Variants in HMGCLL1 observed in about 807,000 individuals in gnomAD.
HMGCLL1 encodes 3-hydroxy-3-methylglutaryl-CoA lyase like 1.
A neutral mutation model predicts 39.1 loss-of-function variants in HMGCLL1; 36 were observed. The observed-to-expected ratio is 0.92, with a 90% CI of 0.71 to 1.22. HMGCLL1 has a LOEUF of 1.22. Among genes scored for constraint, HMGCLL1 ranks in the 50% most tolerant of loss-of-function variants. The pLI is 0.00. For missense variants in HMGCLL1, 451 were observed against 416.5 expected (o/e 1.08, Z -0.72); for synonymous variants, 149 against 144.0 (o/e 1.03, Z -0.25).
intron 1 of HMGCLL1, among the ~76,000 whole-genome samples, chr6:55,574,795 A>G (rs952192989): frequency 1.9e-4 from 29 of 152,168 alleles, no homozygotes; most frequent in Middle Eastern, 3.4e-3. Flanking sequence ...AAGCAGAAAT[A>G]TAATACATTT....
chr6:55,464,065 T>C (rs570069701), intron 7 of HMGCLL1, among the ~76,000 whole-genome samples: 1 of 152,196 alleles, frequency 6.6e-6, no homozygotes, highest in African/African-American at 2.4e-5. Context: ...TCTGTAGAAT[T>C]ATCTAGAATT....
the HMGCLL1 span, among the ~76,000 whole-genome samples, chr6:55,668,859 C>T: frequency 6.6e-6 from 1 of 151,848 alleles, no homozygotes; most frequent in Admixed American, 6.6e-5. Context: ...ACAGCAGCAG[C>T]ACCAGTAGTG....
chr6:55,631,080 A>G, the HMGCLL1 span, among the ~76,000 whole-genome samples: 2 of 151,988 alleles, frequency 1.3e-5, no homozygotes, highest in East Asian at 3.9e-4. Context: ...ATCTTCTCGT[A>G]CTTGAATCAT....
At chr6:55,594,476 A>G in the HMGCLL1 span, among the ~76,000 whole-genome samples, 1 of 152,184 alleles carries the variant, frequency 6.6e-6, no homozygotes, top group Non-Finnish European at 1.5e-5. Flanking sequence ...CTTCTGCCAC[A>G]ATCTCTTCTT....
At chr6:55,437,450 A>G (rs540043964) in intron 8 of HMGCLL1, among the ~76,000 whole-genome samples, 1 of 152,098 alleles carries the variant, frequency 6.6e-6, no homozygotes, top group South Asian at 2.1e-4. Flanking sequence ...TGTGTCAGGG[A>G]AAAGTGCCAA....
the HMGCLL1 span, among the ~76,000 whole-genome samples, chr6:55,601,213 T>G: frequency 6.6e-6 from 1 of 152,110 alleles, no homozygotes; most frequent in Non-Finnish European, 1.5e-5. Context: ...ATGGTGCTGC[T>G]CATTTGAGGC....
intron 7 of HMGCLL1, among the ~76,000 whole-genome samples, chr6:55,463,343 C>G (rs1004225664): frequency 6.6e-6 from 1 of 151,910 alleles, no homozygotes; most frequent in South Asian, 2.1e-4. Context: ...CAGTCTTTAG[C>G]TGAGAAGAGA....
At chr6:55,637,799 A>G in the HMGCLL1 span, among the ~76,000 whole-genome samples, 1 of 151,854 alleles carries the variant, frequency 6.6e-6, no homozygotes, top group Admixed American at 6.6e-5. Flanking sequence ...GATATCATAG[A>G]TACATGTATG....
At chr6:55,669,622 A>G in the HMGCLL1 span, among the ~76,000 whole-genome samples, 1 of 151,970 alleles carries the variant, frequency 6.6e-6, no homozygotes, top group African/African-American at 2.4e-5. Context: ...CTTGAAACAA[A>G]TATTAAGCTA....
chr6:55,444,391 A>C (rs1581786791), intron 7 of HMGCLL1, among the ~76,000 whole-genome samples: 1 of 152,052 alleles, frequency 6.6e-6, no homozygotes, highest in East Asian at 1.9e-4. Context: ...TATATAACAC[A>C]CACACATATA....
intron 5 of HMGCLL1, among the ~76,000 whole-genome samples, chr6:55,501,168 G>T (rs2127427811): frequency 6.6e-6 from 1 of 151,818 alleles, no homozygotes; most frequent in South Asian, 2.1e-4. Flanking sequence ...ACACTGTTTT[G>T]ATCTAGTCAC....
the HMGCLL1 span, among the ~76,000 whole-genome samples, chr6:55,613,139 T>C: frequency 6.6e-6 from 1 of 152,116 alleles, no homozygotes; most frequent in South Asian, 2.1e-4. Context: ...GCAAAGGACA[T>C]GAACAGACAG....
At chr6:55,557,373 C>T (rs972872781) in intron 1 of HMGCLL1, among the ~76,000 whole-genome samples, 4 of 151,990 alleles carry the variant, frequency 2.6e-5, no homozygotes, top group African/African-American at 7.2e-5. Context: ...TGCCTGGCAG[C>T]GCGTCTGTGC....
chr6:55,655,101 T>C, the HMGCLL1 span, among the ~76,000 whole-genome samples: 3 of 151,976 alleles, frequency 2.0e-5, no homozygotes, highest in African/African-American at 7.2e-5. Flanking sequence ...TCCTCAGTTC[T>C]TCTCATTTGT....
the HMGCLL1 span, among the ~76,000 whole-genome samples, chr6:55,643,859 C>T: frequency 3.3e-5 from 5 of 152,042 alleles, no homozygotes; most frequent in African/African-American, 1.2e-4. Flanking sequence ...AGTGCTACAA[C>T]AAACAGGAGA....
At chr6:55,513,561 G>A (rs1767576755) in intron 5 of HMGCLL1, 1 of 154,126 alleles carries the variant, frequency 6.5e-6, no homozygotes, top group Non-Finnish European at 1.4e-5. Context: ...CATTGAGGGG[G>A]AGAAAGAATG....
the HMGCLL1 span, among the ~76,000 whole-genome samples, chr6:55,611,603 A>G: frequency 6.6e-6 from 1 of 152,176 alleles, no homozygotes; most frequent in Non-Finnish European, 1.5e-5. Context: ...TACCTCAAAA[A>G]GCTTATCCAC....
intron 7 of HMGCLL1, among the ~76,000 whole-genome samples, chr6:55,468,172 G>A (rs772618904): frequency 6.6e-6 from 1 of 151,970 alleles, no homozygotes; most frequent in African/African-American, 2.4e-5. Context: ...GCCACTAAAG[G>A]CTGTATGCAG....
chr6:55,564,161 TG>T (rs886933355), intron 1 of HMGCLL1, among the ~76,000 whole-genome samples: 4 of 152,020 alleles, frequency 2.6e-5, no homozygotes, highest in Admixed American at 1.3e-4. Flanking sequence ...ATCTTATGGG[TG>T]GGGTTGTGGG....
Sources: gnomAD v4.1 joint callset for allele counts (sites outside exome capture counted in the v4.1 genomes callset) on GRCh38, gnomAD v4.1.1 for gene constraint, MANE v1.5 for transcripts, NCBI Gene and HGNC (gene_info 2026-07-23, HGNC 2026-07-21) for gene names.